The following PRMT3 variants were observed in gnomAD, a reference collection of about 807,000 sequenced individuals.
The protein encoded by PRMT3 is protein arginine N-methyltransferase 3.
Under a neutral mutation model 71.9 loss-of-function variants are expected in PRMT3, and 62 were observed. That is an observed-to-expected ratio of 0.86 (90% CI 0.70 to 1.07). The LOEUF is 1.07. PRMT3 is among the 50% of genes least tolerant of loss of function. The pLI is 0.00. For synonymous variants in PRMT3, 213 were observed against 220.4 expected, an observed-to-expected ratio of 0.97 and a Z score of 0.30; for missense variants, 663 against 643.0, an observed-to-expected ratio of 1.03 and a Z score of -0.34.
At chr11:20,471,981 T>C (rs930924741) in intron 13 of PRMT3, among the ~76,000 whole-genome samples, 1 of 152,154 alleles carries the variant, frequency 6.6e-6, no homozygotes, top group Non-Finnish European at 1.5e-5. Context: ...AGCTCATTCA[T>C]GATTTGGCTC....
rs140705883 is a variant in PRMT3 at position 20,429,180 on chromosome 11, T to C, written c.993+2315T>C. Among the ~76,000 whole-genome samples the C allele has an allele frequency of 1.7e-3, 261 of 152,290 alleles. 6 individuals carry two copies. In the East Asian group the frequency reaches 0.023, roughly 13 times the overall value. On this transcript the variant is annotated intron_variant, in intron 10 of 15. Transcript: ENST00000331079. ...TCATGGAAGACAGTTTTCCCATGGA[T>C]TGGGGGATGGGGATGGGATGGTTTC...
chr11:20,396,998 T>G (rs1848841113), intron 6 of PRMT3, among the ~76,000 whole-genome samples: 1 of 152,182 alleles, frequency 6.6e-6, no homozygotes. Context: ...TTTCAGAATT[T>G]TTATGCTAGG....
At chr11:20,389,872 G>C (rs7937501) in intron 3 of PRMT3, 46 bp downstream of exon 3, 1,341,895 of 1,483,084 alleles carry the variant, frequency 0.9, 617,080 homozygotes, top group Non-Finnish European at 0.95. Flanking sequence ...TGAAATTTGG[G>C]CAGGCATGGC....
intron 10 of PRMT3, among the ~76,000 whole-genome samples, chr11:20,447,760 G>A (rs951896694): frequency 1.3e-5 from 2 of 151,992 alleles, no homozygotes; most frequent in African/African-American, 4.8e-5. Context: ...CCACTGTTCT[G>A]CTTCTGTCAG....
intron 3 of PRMT3, among the ~76,000 whole-genome samples, chr11:20,391,425 G>T (rs1485460088): frequency 6.6e-6 from 1 of 151,958 alleles, no homozygotes; most frequent in Admixed American, 6.6e-5. Flanking sequence ...TGTATTTTAG[G>T]AGAGACAGGG....
intron 12 of PRMT3, 71 bp downstream of exon 12, chr11:20,462,238 T>C (rs1400502235): frequency 5.6e-6 from 7 of 1,245,402 alleles, no homozygotes; most frequent in Non-Finnish European, 7.8e-6. Context: ...TTGAAAATAA[T>C]ATATTGATTT....
intron 9 of PRMT3, among the ~76,000 whole-genome samples, chr11:20,415,459 A>G (rs1382868491): frequency 6.6e-6 from 1 of 152,184 alleles, no homozygotes; most frequent in African/African-American, 2.4e-5. Flanking sequence ...AGAAAAGGGT[A>G]TAGTGCAGAA....
rs551443460 is a variant in PRMT3, at chr11:20,392,625, T to G, written c.298-272T>G. Among the ~76,000 whole-genome samples, 11 of 151,016 alleles carry G rather than the reference T, an allele frequency of 7.3e-5. No individual in the cohort carries two copies. The South Asian group carries it at 8.3e-4, about 11-fold the overall frequency. On this transcript the variant is annotated intron_variant, in intron 4 of 15. Transcript: ENST00000331079. ...TCTGTTTTTTTTCAGATACTTTGTT[T>G]TTTTTTTTTTTTGTCCTGTTTAAAT...
intron 13 of PRMT3, among the ~76,000 whole-genome samples, chr11:20,481,337 C>T (rs1328983014): frequency 1.3e-5 from 2 of 151,214 alleles, no homozygotes; most frequent in African/African-American, 4.9e-5. Context: ...TAATTGTGAA[C>T]ATGTGCCCCA....
At chr11:20,497,417 C>T (rs1156301938) in intron 15 of PRMT3, among the ~76,000 whole-genome samples, 1 of 152,098 alleles carries the variant, frequency 6.6e-6, no homozygotes. Flanking sequence ...TTAGAATCCC[C>T]TAAGAGAGTA....
At chr11:20,434,086 G>T (rs1313978572) in intron 10 of PRMT3, among the ~76,000 whole-genome samples, 3 of 152,130 alleles carry the variant, frequency 2.0e-5, no homozygotes, top group African/African-American at 7.2e-5. Context: ...GTGTGAGATG[G>T]TATCTCATTG....
intron 8 of PRMT3, among the ~76,000 whole-genome samples, chr11:20,403,258 A>T (rs1362702634): frequency 6.6e-6 from 1 of 152,194 alleles, no homozygotes; most frequent in African/African-American, 2.4e-5. Context: ...TTATTCAGAT[A>T]ATTTTGCTTA....
At chr11:20,439,086 TC>T (rs1849826821) in intron 10 of PRMT3, among the ~76,000 whole-genome samples, 1 of 152,148 alleles carries the variant, frequency 6.6e-6, no homozygotes, top group African/African-American at 2.4e-5. Context: ...AAGGTACACT[TC>T]AGCCATAGTT....
At chr11:20,444,530 TG>T (rs1382137333) in intron 10 of PRMT3, among the ~76,000 whole-genome samples, 2 of 152,194 alleles carry the variant, frequency 1.3e-5, no homozygotes, top group East Asian at 3.8e-4. Flanking sequence ...TTTAGAAGCA[TG>T]TTTAATTTCT....
intron 5 of PRMT3, among the ~76,000 whole-genome samples, chr11:20,395,387 A>G (rs1035499825): frequency 4.6e-5 from 7 of 152,106 alleles, no homozygotes; most frequent in African/African-American, 1.2e-4. Flanking sequence ...TGTATTGCCC[A>G]GGTTGGAGTA....
At chr11:20,414,796 TAGAA>T (rs1849266618) in intron 9 of PRMT3, among the ~76,000 whole-genome samples, 1 of 152,128 alleles carries the variant, frequency 6.6e-6, no homozygotes, top group Non-Finnish European at 1.5e-5. Context: ...AGAATACTGT[TAGAA>T]AGGAAACATT....
chr11:20,396,649 T>TC (rs1848832280), intron 6 of PRMT3, among the ~76,000 whole-genome samples: 1 of 151,588 alleles, frequency 6.6e-6, no homozygotes, highest in African/African-American at 2.4e-5. Context: ...GTGGGGTCGG[T>TC]GGGGGGGAAT....
chr11:20,443,837 A>C (rs1288187929), intron 10 of PRMT3, among the ~76,000 whole-genome samples: 1 of 152,182 alleles, frequency 6.6e-6, no homozygotes, highest in Non-Finnish European at 1.5e-5. Context: ...AGCTAATACA[A>C]GTTTTTTAAA....
intron 11 of PRMT3, among the ~76,000 whole-genome samples, chr11:20,461,149 C>T (rs192790650): frequency 6.6e-6 from 1 of 152,296 alleles, no homozygotes; most frequent in Non-Finnish European, 1.5e-5. Context: ...TGTCTTATTT[C>T]TCTCTCAATT....
Sources: allele counts gnomAD v4.1 joint callset (sites outside exome capture counted in the v4.1 genomes callset), GRCh38; gene constraint gnomAD v4.1.1; transcripts MANE v1.5; gene names NCBI Gene and HGNC (gene_info 2026-07-23, HGNC 2026-07-21).